Variants in SNX30 observed in about 807,000 individuals in gnomAD.
SNX30 encodes the protein sorting nexin family member 30, also known as sorting nexin-30.
Under a neutral mutation model 46.4 loss-of-function variants are expected in SNX30, and 24 were observed. The observed-to-expected ratio is 0.52, with a 90% CI of 0.37 to 0.73. The LOEUF (loss-of-function observed/expected upper bound fraction) is 0.73, where lower values mean the gene tolerates loss of function less well. Ranked by LOEUF, SNX30 falls within the 30% of genes least tolerant of loss-of-function variation. The pLI, the probability that SNX30 is intolerant of heterozygous loss-of-function variation, is 0.00. For missense variants in SNX30, 533 were observed against 555.7 expected (o/e 0.96, Z 0.41); for synonymous variants, 189 against 211.5 (o/e 0.89, Z 0.92).
intron 8 of SNX30, among the ~76,000 whole-genome samples, chr9:112,864,945 A>T (rs1841295427): frequency 6.6e-6 from 1 of 152,000 alleles, no homozygotes; most frequent in African/African-American, 2.4e-5. Flanking sequence ...ACTTTTACTC[A>T]TGGATCCCCT....
chr9:112,781,844 G>A (rs1033377424), intron 1 of SNX30, among the ~76,000 whole-genome samples: 9 of 148,118 alleles, frequency 6.1e-5, no homozygotes, highest in Non-Finnish European at 1.3e-4. Context: ...GTTTTGCCAT[G>A]TTGGTCAGGC....
downstream of SNX30, among the ~76,000 whole-genome samples, chr9:112,883,512 G>T (rs942879136): frequency 6.6e-5 from 10 of 151,670 alleles, no homozygotes; most frequent in African/African-American, 2.4e-4. Flanking sequence ...GGATTGTTTG[G>T]GAAGATTAGT....
chr9:112,847,868 T>C (rs4979166), intron 6 of SNX30, among the ~76,000 whole-genome samples: 126,056 of 152,130 alleles, frequency 0.83, 52,311 homozygotes, highest in South Asian at 0.87. Flanking sequence ...CTTGGTACTT[T>C]CCTTCCATTC....
chr9:112,749,765 C>T (rs2796036), upstream of SNX30, among the ~76,000 whole-genome samples: 32 of 152,118 alleles, frequency 2.1e-4, no homozygotes, highest in East Asian at 6.0e-3. Flanking sequence ...CCAGAGTCAA[C>T]ATCTGTCATC....
chr9:112,864,970 AGCGC>A (rs1841295664), intron 8 of SNX30, among the ~76,000 whole-genome samples: 1 of 142,772 alleles, frequency 7.0e-6, no homozygotes, highest in Admixed American at 7.2e-5. Flanking sequence ...CAGGTTAAGC[AGCGC>A]ACGCACATGC....
At chr9:112,855,480 G>A (rs1429945136) in intron 7 of SNX30, among the ~76,000 whole-genome samples, 1 of 152,192 alleles carries the variant, frequency 6.6e-6, no homozygotes. Flanking sequence ...GTGGAGTCAT[G>A]GAGTGGCATC....
Position 112,868,790 on chromosome 9 carries a change from A to C in SNX30, c.1261A>C (p.Met421Leu). The change falls in exon 9 of 9, where the codon ATG becomes CTG. Residue 421 changes from methionine (M) to leucine (L), a missense_variant. This residue lies in a region of SNX30 where 261 missense variants were observed against 270.9 expected (regional missense o/e 0.96). Coordinates refer to ENST00000374232, the MANE Select transcript of SNX30 (RefSeq NM_001012994.2). ...KNIQYYEKCLMAWESIIPLLQ... is the reference protein window; with the variant it reads ...KNIQYYEKCLLAWESIIPLLQ... ...GTGTATGTTGTCGTTCCAGTGCCTCATGGCGTGGGAGTCGATTATTCCACT... is the reference window on the plus strand; with the variant it reads ...GTGTATGTTGTCGTTCCAGTGCCTCCTGGCGTGGGAGTCGATTATTCCACT... 1.2e-6 allele frequency: 2 copies of C among 1,614,052 alleles called. No individual in the cohort carries two copies. The highest frequency in any genetic ancestry group is 4.5e-5 in the East Asian group (2 of 44,880).
At chr9:112,787,924 G>A (rs1839958361) in intron 1 of SNX30, among the ~76,000 whole-genome samples, 1 of 151,912 alleles carries the variant, frequency 6.6e-6, no homozygotes, top group African/African-American at 2.4e-5. Context: ...AGCCTCCCGA[G>A]TAGCTGGGAC....
chr9:112,752,612 TG>T (rs1333758497), intron 1 of SNX30, among the ~76,000 whole-genome samples: 1 of 152,294 alleles, frequency 6.6e-6, no homozygotes, highest in East Asian at 1.9e-4. Context: ...CTCCAAAAAA[TG>T]TTGAATAACT....
rs545404146 is a variant in SNX30, at chr9:112,770,212, G to A, written c.156+19055G>A. 4.6e-5 allele frequency among the ~76,000 whole-genome samples: 7 copies of A among 151,860 alleles called. No homozygotes were observed. The South Asian group carries it at 1.5e-3, about 32-fold the overall frequency. ...TTTGAGATGGAGTCTCACTCTGTTG[G>A]CCAGGCTGGAGTGTTGTGGTGCGGT... is the stretch of plus-strand genomic sequence containing the variant. On this transcript the variant is annotated intron_variant, in intron 1 of 8. Coordinates refer to ENST00000374232, the MANE Select transcript of SNX30 (RefSeq NM_001012994.2).
chr9:112,838,656 C>T lies in SNX30; in HGVS notation c.973C>T (p.Pro325Ser), dbSNP rs1381653523. The T allele has an allele frequency of 4.3e-6, 7 of 1,614,032 alleles. No homozygotes were observed. Among genetic ancestry groups the T allele is most frequent in the African/African-American group, 1.3e-5 (1 of 74,932 alleles). Residue 325 changes from proline (P) to serine (S), a missense_variant, in exon 6 of 9, where the codon CCT (proline) becomes TCT (serine). Around this residue, in one of 3 missense-constraint regions of SNX30, gnomAD observed 261 missense variants for 270.9 expected, o/e 0.96. Coordinates refer to ENST00000374232, the MANE Select transcript of SNX30 (RefSeq NM_001012994.2). ...AGATGACATGACAGAAGACTTCCTA[C>T]CTGTGCTCAGGGAATATATTTTATA... is the stretch of plus-strand genomic sequence containing the variant. ...LTDDMTEDFLPVLREYILYSD... is the reference protein window; with the variant it reads ...LTDDMTEDFLSVLREYILYSD...
At chr9:112,820,937 A>G (rs1840482003) in intron 3 of SNX30, among the ~76,000 whole-genome samples, 2 of 152,142 alleles carry the variant, frequency 1.3e-5, no homozygotes, top group African/African-American at 2.4e-5. Context: ...CCCTTGATGG[A>G]CGTTTTGGTT....
intron 1 of SNX30, among the ~76,000 whole-genome samples, chr9:112,795,333 T>G (rs572531322): frequency 2.6e-5 from 4 of 152,324 alleles, no homozygotes; most frequent in South Asian, 2.1e-4. Flanking sequence ...TTGCTTAAGT[T>G]GCACTGGTAG....
At chr9:112,843,626 CTTTTTTTTTT>C (rs35950913) in intron 6 of SNX30, among the ~76,000 whole-genome samples, 2 of 105,218 alleles carry the variant, frequency 1.9e-5, no homozygotes, top group East Asian at 3.3e-4. Context: ...CCTGCAGTAG[CTTTTTTTTTT>C]TTTTTTTTTA....
intron 7 of SNX30, among the ~76,000 whole-genome samples, chr9:112,853,011 C>A (rs1378808762): frequency 2.6e-5 from 4 of 152,184 alleles, no homozygotes; most frequent in African/African-American, 9.7e-5. Context: ...CAGTGGTCAT[C>A]TGAGGCCCGG....
In SNX30 at chr9:112,791,393, T is replaced by G. The variant is rs548460614; in HGVS notation, c.157-13383T>G. Reference sequence around the variant, plus strand: ...TCTGATAAATACTTTTAAACATATTTAGGAACTTTTTTTTTTTTTTTTTTT... The same window carrying G: ...TCTGATAAATACTTTTAAACATATTGAGGAACTTTTTTTTTTTTTTTTTTT... On this transcript the variant is annotated intron_variant, in intron 1 of 8. Transcript: ENST00000374232. Among the ~76,000 whole-genome samples the G allele has an allele frequency of 7.2e-5, 10 of 138,280 alleles. No homozygotes were observed. The South Asian group carries it at 2.1e-3, about 29-fold the overall frequency. The allele number at this position is 138,280 out of a possible 152,430, so 90.7% of individuals were successfully genotyped here. A position where few individuals can be genotyped will look rare whatever the true frequency, so the allele number is the denominator to read the frequency against.
At chr9:112,841,512 G>A (rs990423107) in intron 6 of SNX30, among the ~76,000 whole-genome samples, 19 of 152,208 alleles carry the variant, frequency 1.2e-4, no homozygotes, top group African/African-American at 4.6e-4. Context: ...GAAGGGCATG[G>A]AAAAGAGGAA....
intron 4 of SNX30, among the ~76,000 whole-genome samples, chr9:112,834,869 C>CACAA (rs1840725584): frequency 1.1e-5 from 1 of 91,278 alleles, no homozygotes; most frequent in Non-Finnish European, 2.9e-5. Flanking sequence ...CACACACACA[C>CACAA]ACACACACAC....
At chr9:112,826,851 C>G (rs981827821) in intron 3 of SNX30, among the ~76,000 whole-genome samples, 1 of 152,202 alleles carries the variant, frequency 6.6e-6, no homozygotes, top group African/African-American at 2.4e-5. Context: ...ACAGCCATAT[C>G]CCATTAAGAT....
Sources: allele counts gnomAD v4.1 joint callset (sites outside exome capture counted in the v4.1 genomes callset), GRCh38; gene constraint gnomAD v4.1.1; regional missense constraint gnomAD v4.1.1; transcripts MANE v1.5; gene names NCBI Gene and HGNC (gene_info 2026-07-23, HGNC 2026-07-21).